SAMD9: variants seen among roughly 807,000 people sequenced by gnomAD.
SAMD9 encodes sterile alpha motif domain-containing protein 9.
Under a neutral mutation model 1.5 loss-of-function variants are expected in SAMD9, and 3 were observed. The ratio of observed to expected loss-of-function variants is 2.05; its 90% CI spans 0.93 to 5.29. The LOEUF (loss-of-function observed/expected upper bound fraction) is 5.29. Among genes scored for constraint, SAMD9 ranks in the 30% most tolerant of loss-of-function variants. The pLI, the probability that SAMD9 is intolerant of heterozygous loss-of-function variation, is 0.02. For missense variants in SAMD9, 1,597 were observed against 1,820.8 expected, an observed-to-expected ratio of 0.88 and a Z score of 2.24; for synonymous variants, 635 against 631.9, an observed-to-expected ratio of 1.00 and a Z score of -0.07.
intron 1 of SAMD9, among the ~76,000 whole-genome samples, chr7:93,115,588 G>A (rs769502851): frequency 5.9e-5 from 9 of 152,180 alleles, no homozygotes; most frequent in African/African-American, 1.4e-4. Context: ...TATGGCTAGC[G>A]GTTGCACAGA....
chr7:93,117,424 C>G (rs770533766), intron 1 of SAMD9, among the ~76,000 whole-genome samples: 29 of 152,054 alleles, frequency 1.9e-4, no homozygotes, highest in Non-Finnish European at 3.7e-4. Flanking sequence ...ACTGCAGCTG[C>G]GTGCCACCAC....
intron 2 of SAMD9, among the ~76,000 whole-genome samples, chr7:93,107,749 G>A (rs957879692): frequency 1.3e-5 from 2 of 152,108 alleles, no homozygotes; most frequent in Admixed American, 6.5e-5. Context: ...CAAGGTTTAA[G>A]CTATTATTTT....
At chr7:93,115,413 T>C (rs1791817674) in intron 1 of SAMD9, among the ~76,000 whole-genome samples, 1 of 152,192 alleles carries the variant, frequency 6.6e-6, no homozygotes, top group Non-Finnish European at 1.5e-5. Flanking sequence ...TGAATGAATA[T>C]CACATCATAC....
Position 93,106,002 on chromosome 7 carries a change from GT to G in SAMD9, c.95del (p.His32ProfsTer5), listed in dbSNP as rs1085307093. 1.3e-6 allele frequency: 2 copies of G among 1,591,604 alleles called. No individual in the cohort carries two copies. The highest frequency in any genetic ancestry group is 4.5e-5 in the East Asian group (2 of 44,658). On this transcript the variant is annotated frameshift_variant, in exon 3 of 3. Coordinates refer to ENST00000379958, the MANE Select transcript of SAMD9 (RefSeq NM_017654.4). LOFTEE classifies it low-confidence loss of function (END_TRUNC). The stretch of plus-strand genomic sequence containing the variant: ...CGTCTTGTTCAGTCAAAATTTCCCT[GT>G]GTTTTTGGTCAATCTTATGACTTTC... ...WLESHKIDQK[H>X]REILTEQDVN...
In SAMD9 at chr7:93,103,297, G is replaced by C; in HGVS notation, c.2801C>G (p.Ser934Ter). ...TAAGAATTTTTCACACTGTGATAGT[G>C]AAATGGTGGTATCAGGCACATATGA... ...LNSYVPDTTISLSQCEKFLGI... is the reference protein window; with the variant it reads ...LNSYVPDTTI The change falls in exon 3 of 3, where the codon TCA becomes TGA. Residue 934 changes from serine to a stop codon, truncating the protein, a stop_gained. Transcript: ENST00000379958. LOFTEE classifies it low-confidence loss of function (END_TRUNC). 6.2e-7 allele frequency: 1 copy of C among 1,613,680 alleles called. No individual in the cohort carries two copies. The highest frequency in any genetic ancestry group is 8.5e-7 in the Non-Finnish European group (1 of 1,179,730).
rs148339415 is a variant in SAMD9 at position 93,103,844 on chromosome 7, A to T, written c.2254T>A (p.Trp752Arg). ...CATCTGAATTTCTTCCTTAGTTCCC[A>T]GAGAATGTGCATAGCCAAGGTAGTT... The part of the protein sequence containing the change: ...GGTTLAMHIL[W>R]ELRKKFRCAV... The change falls in exon 3 of 3, where the codon TGG (tryptophan) becomes AGG (arginine). Residue 752 changes from tryptophan to arginine, a missense_variant. Trp to Arg is a moderately radical substitution (Grantham distance 101, BLOSUM62 -3). Coordinates refer to ENST00000379958, the MANE Select transcript of SAMD9 (RefSeq NM_017654.4). 1.6e-4 allele frequency: 257 copies of T among 1,613,906 alleles called. No individual in the cohort carries two copies. The highest frequency in any genetic ancestry group is 2.1e-4 in the Non-Finnish European group (250 of 1,179,890).
At chr7:93,112,951 T>G (rs1009447073) in intron 2 of SAMD9, among the ~76,000 whole-genome samples, 58 of 152,300 alleles carry the variant, frequency 3.8e-4, no homozygotes, top group African/African-American at 1.4e-3. Context: ...TGGAAAAAAC[T>G]ACTTTAAAGT....
chr7:93,105,161 A>G lies in SAMD9; in HGVS notation c.937T>C (p.Phe313Leu), dbSNP rs201532367. ...FVIEVDIIPQ[F>L]SECQYDYFQI... ...AAATAATCATATTGGCATTCAGAGA[A>G]CTGTGGAATAATGTCCACTTCAATA... The change falls in exon 3 of 3, where the codon TTC (phenylalanine) becomes CTC (leucine). Residue 313 changes from phenylalanine (F) to leucine (L), a missense_variant. Physicochemically the swap from Phe to Leu is conservative, Grantham distance 22. Transcript: ENST00000379958. 4.3e-6 allele frequency: 7 copies of G among 1,613,678 alleles called. No individual in the cohort carries two copies. The highest frequency in any genetic ancestry group is 2.2e-5 in the East Asian group (1 of 44,854).
In SAMD9 at chr7:93,104,766, A is replaced by G; in HGVS notation, c.1332T>C (p.Pro444=). The G allele has an allele frequency of 6.2e-7, 1 of 1,613,866 alleles. No homozygotes were observed. The highest frequency in any genetic ancestry group is 1.1e-5 in the South Asian group (1 of 91,076). The change falls in exon 3 of 3, where the codon CCT becomes CCC. Residue 444 remains proline (P), a synonymous_variant. Coordinates refer to ENST00000379958, the MANE Select transcript of SAMD9 (RefSeq NM_017654.4). The part of the protein sequence containing the change: ...IKWFAVLEFD[P]ESNINGVVKA... The stretch of plus-strand genomic sequence containing the variant: ...TGACCACTCCATTGATGTTAGACTC[A>G]GGATCAAACTCCAATACAGCAAACC...
chr7:93,110,276 C>G (rs1584257929), intron 2 of SAMD9, among the ~76,000 whole-genome samples: 1 of 152,276 alleles, frequency 6.6e-6, no homozygotes, highest in South Asian at 2.1e-4. Flanking sequence ...TTGTTACCAC[C>G]AGGCCTGCCT....
rs535737843 is a variant in SAMD9, at chr7:93,102,639, C to T, written c.3459G>A (p.Leu1153=). 80 of 1,613,826 alleles carry T rather than the reference C, an allele frequency of 5.0e-5. No individual in the cohort carries two copies. In the South Asian group the frequency reaches 8.1e-4, roughly 16 times the overall value. Residue 1153 remains leucine, a synonymous_variant, in exon 3 of 3, where the codon TTG becomes TTA. Coordinates refer to ENST00000379958, the MANE Select transcript of SAMD9 (RefSeq NM_017654.4). ...CACTTGAGGCATGTTCTGCTAAATCCAAAAGAGCAATTAGATCATCAACTG... is the reference window on the plus strand; with the variant it reads ...CACTTGAGGCATGTTCTGCTAAATCTAAAAGAGCAATTAGATCATCAACTG... ...NISVDDLIAL[L]DLAEHASSAF... is the part of the protein sequence containing the mutation.
chr7:93,102,328 A>T lies in SAMD9; in HGVS notation c.3770T>A (p.Leu1257Ter). 6.2e-7 allele frequency: 1 copy of T among 1,609,328 alleles called. No homozygotes were observed. The highest frequency in any genetic ancestry group is 1.7e-4 in the Middle Eastern group (1 of 6,048). Reference sequence around the variant, plus strand: ...TTTCAAAGAAAATTTCAATTTAGTTAAATAAGGAATATAGTTTTTGAGGGC... The same window carrying T: ...TTTCAAAGAAAATTTCAATTTAGTTTAATAAGGAATATAGTTTTTGAGGGC... ...KLALKNYIPY[L>*]TKLKFSLKKS... Residue 1257 changes from leucine (L) to a stop codon, truncating the protein, a stop_gained, in exon 3 of 3, where the codon TTA (leucine) becomes TAA (stop). Transcript: ENST00000379958. LOFTEE classifies it low-confidence loss of function (END_TRUNC).
rs565651614 is a variant in SAMD9 at position 93,110,725 on chromosome 7, C to G, written c.-9+4070G>C. On this transcript the variant is annotated intron_variant, in intron 2 of 2. Coordinates refer to ENST00000379958, the MANE Select transcript of SAMD9 (RefSeq NM_017654.4). ...AGACAAAGAAGGCCATTACATAATG[C>G]TAAAGGGATCAATTCAACAAGAAGA... Among the ~76,000 whole-genome samples the G allele has an allele frequency of 2.2e-4, 34 of 152,178 alleles. 1 individual carries two copies. The highest frequency in any genetic ancestry group is 4.2e-4 in the South Asian group (2 of 4,812).
chr7:93,110,934 C>G (rs145714653), intron 2 of SAMD9, among the ~76,000 whole-genome samples: 1 of 152,206 alleles, frequency 6.6e-6, no homozygotes, highest in Non-Finnish European at 1.5e-5. Context: ...AGGAATTGAA[C>G]TCAGCTCTGC....
Position 93,102,672 on chromosome 7 carries a change from C to G in SAMD9, c.3426G>C (p.Gly1142=), listed in dbSNP as rs555757176. The change falls in exon 3 of 3, where the codon GGG becomes GGC. Residue 1142 remains glycine, a synonymous_variant. Coordinates refer to ENST00000379958, the MANE Select transcript of SAMD9 (RefSeq NM_017654.4). Reference sequence around the variant, plus strand: ...CAATTAGATCATCAACTGAAATGTTCCCGTTTCCTCCGTTTTCCTCTATCC... The same window carrying G: ...CAATTAGATCATCAACTGAAATGTTGCCGTTTCCTCCGTTTTCCTCTATCC... The part of the protein sequence containing the change: ...RWWIEENGGN[G]NISVDDLIAL... The G allele has an allele frequency of 3.7e-6, 6 of 1,613,884 alleles. No homozygotes were observed. The South Asian group carries it at 4.4e-5, about 12-fold the overall frequency.
intron 1 of SAMD9, among the ~76,000 whole-genome samples, chr7:93,116,636 T>C (rs1454595475): frequency 6.6e-6 from 1 of 152,218 alleles, no homozygotes; most frequent in Non-Finnish European, 1.5e-5. Context: ...TACCCTCTCG[T>C]TCCAAAATGT....
chr7:93,101,165 G>T lies in SAMD9; in HGVS notation c.*163C>A. On this transcript the variant is annotated 3_prime_UTR_variant, in exon 3 of 3. Transcript: ENST00000379958. The stretch of plus-strand genomic sequence containing the variant: ...TCCTTCCTTTTTCACTATTGTCTTT[G>T]TAGAACTCATAACATGTTTAAGAGG... 1 of 674,846 alleles carries T rather than the reference G, an allele frequency of 1.5e-6. No individual in the cohort carries two copies. The highest frequency in any genetic ancestry group is 2.6e-6 in the Non-Finnish European group (1 of 381,728). 41.8% of individuals were successfully genotyped at this position (674,846 alleles called of 1,614,324 possible).
At chr7:93,110,580 A>G (rs182296554) in intron 2 of SAMD9, among the ~76,000 whole-genome samples, 207 of 152,324 alleles carry the variant, frequency 1.4e-3, no homozygotes, top group Non-Finnish European at 2.5e-3. Context: ...GCAGAGACAC[A>G]CACAGGCTCA....
At position 93,102,237 on chromosome 7, in the gene SAMD9, A is replaced by G. The variant is rs1791544032; in HGVS notation, c.3861T>C (p.Asn1287=). The part of the protein sequence containing the change: ...LLKPRNNIKQ[N]EEAKTRRKVA... Reference sequence around the variant, plus strand: ...CCTTTCTCCGAGTTTTGGCCTCTTCATTTTGCTTAATATTGTTCCTGGGTT... The same window carrying G: ...CCTTTCTCCGAGTTTTGGCCTCTTCGTTTTGCTTAATATTGTTCCTGGGTT... Residue 1287 remains asparagine (N), a synonymous_variant, in exon 3 of 3, where the codon AAT becomes AAC. Transcript: ENST00000379958. 2 of 1,613,702 alleles carry G rather than the reference A, an allele frequency of 1.2e-6. No individual in the cohort carries two copies. Among genetic ancestry groups the G allele is most frequent in the Non-Finnish European group, 1.7e-6 (2 of 1,179,700 alleles).
Sources: allele counts gnomAD v4.1 joint callset (sites outside exome capture counted in the v4.1 genomes callset), GRCh38; gene constraint gnomAD v4.1.1; transcripts MANE v1.5; gene names NCBI Gene and HGNC (gene_info 2026-07-23, HGNC 2026-07-21).